CACNA2D3: variants seen among roughly 807,000 people sequenced by gnomAD.
The protein encoded by CACNA2D3 is calcium voltage-gated channel auxiliary subunit alpha2delta 3, also known as voltage-dependent calcium channel subunit alpha-2/delta-3.
In CACNA2D3, 60 loss-of-function variants were observed where a neutral mutation model predicts 160.6. The ratio of observed to expected loss-of-function variants is 0.37; its 90% confidence interval spans 0.30 to 0.46. The LOEUF is 0.46. Ranked by LOEUF, CACNA2D3 falls within the 20% of genes least tolerant of loss-of-function variation. The pLI is 1.00. For missense variants in CACNA2D3, 1,205 were observed against 1,365.0 expected, an observed-to-expected ratio of 0.88 and a Z score of 1.85; for synonymous variants, 558 against 492.9, an observed-to-expected ratio of 1.13 and a Z score of -1.75.
intron 2 of CACNA2D3, among the ~76,000 whole-genome samples, chr3:54,149,969 C>G (rs1036269036): frequency 9.2e-5 from 12 of 129,884 alleles, no homozygotes; most frequent in Admixed American, 8.9e-4. Context: ...CTTCCTCCCC[C>G]CTTCCTTCTT....
intron 2 of CACNA2D3, among the ~76,000 whole-genome samples, chr3:54,171,136 CTTTTTTTTTTTTTTTTT>C (rs57761171): frequency 0.016 from 1,005 of 62,594 alleles, 46 homozygotes; most frequent in Non-Finnish European, 0.024. Flanking sequence ...AAGATGATGA[CTTTTTTTTTTTTTTTTT>C]TTTTTAGGAA....
intron 3 of CACNA2D3, among the ~76,000 whole-genome samples, chr3:54,365,826 G>A (rs1698819189): frequency 1.3e-5 from 2 of 152,156 alleles, no homozygotes; most frequent in Admixed American, 6.5e-5. Flanking sequence ...TCATGCCACT[G>A]CACTCCAGCC....
At chr3:54,953,713 G>A (rs1701813387) in intron 27 of CACNA2D3, among the ~76,000 whole-genome samples, 1 of 152,208 alleles carries the variant, frequency 6.6e-6, no homozygotes, top group African/African-American at 2.4e-5. Flanking sequence ...CCCCTTGCCT[G>A]TGAACGCTTG....
chr3:54,810,752 C>T (rs1365903413), intron 13 of CACNA2D3, among the ~76,000 whole-genome samples: 1 of 152,170 alleles, frequency 6.6e-6, no homozygotes, highest in Admixed American at 6.5e-5. Context: ...AAAGGGTCCA[C>T]TCAAGTTTGG....
rs528983281 is a variant in CACNA2D3, at chr3:54,704,161, A to G, written c.1168-48438A>G. Among the ~76,000 whole-genome samples, 44 of 152,338 alleles carry G rather than the reference A, an allele frequency of 2.9e-4. No individual in the cohort carries two copies. In the South Asian group the frequency reaches 7.5e-3, roughly 26 times the overall value. On this transcript the variant is annotated intron_variant, in intron 11 of 37. Transcript: ENST00000474759. The stretch of plus-strand genomic sequence containing the variant: ...TGAAATGACTCCAGCTGTATTGCCA[A>G]TGCAAATGCAGGAGGGGAAAAATTA...
intron 3 of CACNA2D3, among the ~76,000 whole-genome samples, chr3:54,368,504 C>T (rs903082464): frequency 1.3e-5 from 2 of 151,616 alleles, no homozygotes; most frequent in Admixed American, 6.6e-5. Flanking sequence ...AGAGTGAGCA[C>T]GGAAAGGAGG....
intron 3 of CACNA2D3, among the ~76,000 whole-genome samples, chr3:54,382,840 C>T (rs927156730): frequency 2.0e-5 from 3 of 152,162 alleles, no homozygotes; most frequent in African/African-American, 7.2e-5. Flanking sequence ...GTCCCCATGA[C>T]TCAGCTTTTT....
At chr3:54,866,124 A>G (rs1699396177) in intron 17 of CACNA2D3, among the ~76,000 whole-genome samples, 1 of 151,884 alleles carries the variant, frequency 6.6e-6, no homozygotes, top group South Asian at 2.1e-4. Flanking sequence ...GTGCTTTTCC[A>G]TGCCCTCCAA....
At chr3:54,782,853 T>G (rs1559580167) in intron 13 of CACNA2D3, among the ~76,000 whole-genome samples, 1 of 152,160 alleles carries the variant, frequency 6.6e-6, no homozygotes, top group African/African-American at 2.4e-5. Flanking sequence ...GCATCCTTCC[T>G]AACGGTGGAG....
At chr3:54,891,843 A>G (rs1381207950) in intron 25 of CACNA2D3, among the ~76,000 whole-genome samples, 1 of 152,210 alleles carries the variant, frequency 6.6e-6, no homozygotes, top group Non-Finnish European at 1.5e-5. Context: ...TCCTGCCTGT[A>G]CAAAAGTCAC....
intron 11 of CACNA2D3, among the ~76,000 whole-genome samples, chr3:54,687,727 A>G (rs753574689): frequency 1.3e-5 from 2 of 152,232 alleles, no homozygotes; most frequent in African/African-American, 4.8e-5. Flanking sequence ...TGACATAGCA[A>G]CTTGGCTTTC....
At chr3:54,381,582 G>C (rs890725156) in intron 3 of CACNA2D3, among the ~76,000 whole-genome samples, 3 of 152,218 alleles carry the variant, frequency 2.0e-5, no homozygotes, top group Admixed American at 6.5e-5. Flanking sequence ...ATGACGGAAA[G>C]TTTGACCTCT....
At chr3:54,812,210 GC>G (rs768077048) in intron 13 of CACNA2D3, among the ~76,000 whole-genome samples, 1 of 152,172 alleles carries the variant, frequency 6.6e-6, no homozygotes, top group Non-Finnish European at 1.5e-5. Flanking sequence ...CACGACTGAA[GC>G]CATTTAACTG....
Position 54,881,533 on chromosome 3 carries a change from T to C in CACNA2D3, c.1912+670T>C, listed in dbSNP as rs1174934251. Among the ~76,000 whole-genome samples, 3 of 152,180 alleles carry C rather than the reference T, an allele frequency of 2.0e-5. No individual in the cohort carries two copies. The East Asian group carries it at 5.8e-4, about 29-fold the overall frequency. On this transcript the variant is annotated intron_variant, in intron 21 of 37. Coordinates refer to ENST00000474759, the MANE Select transcript of CACNA2D3 (RefSeq NM_018398.3). ...AAATTGCTGTCACATGTGCTATCCT[T>C]TTCATCTGCCAGCTCCCTAGTAGTT...
At chr3:54,330,541 G>C (rs1378068722) in intron 3 of CACNA2D3, among the ~76,000 whole-genome samples, 1 of 152,130 alleles carries the variant, frequency 6.6e-6, no homozygotes, top group African/African-American at 2.4e-5. Context: ...CCAGGTTGTG[G>C]CCCTGATTTG....
intron 13 of CACNA2D3, among the ~76,000 whole-genome samples, chr3:54,776,674 G>A (rs534481913): frequency 1.3e-5 from 2 of 152,282 alleles, no homozygotes; most frequent in South Asian, 4.2e-4. Context: ...GTAACTTACA[G>A]CCCGGCTGAG....
chr3:54,430,739 A>G (rs1184984952), intron 4 of CACNA2D3, among the ~76,000 whole-genome samples: 1 of 152,202 alleles, frequency 6.6e-6, no homozygotes, highest in African/African-American at 2.4e-5. Context: ...AGATTCTGTC[A>G]TTGGAGGGTT....
chr3:55,048,084 C>G (rs1704102054), intron 35 of CACNA2D3, among the ~76,000 whole-genome samples: 1 of 127,206 alleles, frequency 7.9e-6, no homozygotes, highest in Non-Finnish European at 1.6e-5. Context: ...TAATTGAATA[C>G]CCTTTATTTC....
At chr3:54,938,485 T>A (rs537161600) in intron 27 of CACNA2D3, among the ~76,000 whole-genome samples, 2 of 152,288 alleles carry the variant, frequency 1.3e-5, no homozygotes, top group African/African-American at 4.8e-5. Context: ...GTTCCTGTAG[T>A]ATAGATCCTT....
Sources: gnomAD v4.1 joint callset for allele counts (sites outside exome capture counted in the v4.1 genomes callset) on GRCh38, gnomAD v4.1.1 for gene constraint, MANE v1.5 for transcripts, NCBI Gene and HGNC (gene_info 2026-07-23, HGNC 2026-07-21) for gene names.